NCOA1: variants seen among roughly 807,000 people sequenced by gnomAD.
NCOA1 encodes Hin-2 protein.
Under a neutral mutation model 150.9 loss-of-function variants are expected in NCOA1, and 35 were observed. The ratio of observed to expected loss-of-function variants is 0.23; its 90% CI spans 0.18 to 0.31. NCOA1 has a LOEUF of 0.31. Ranked by LOEUF, NCOA1 falls within the 10% of genes least tolerant of loss-of-function variation. The probability of loss-of-function intolerance (pLI) is 1.00; values close to 1 mark genes in which losing one functional copy is unlikely to be tolerated. For missense variants in NCOA1, 1,491 were observed against 1,749.3 expected (o/e 0.85, Z 2.63); for synonymous variants, 590 against 630.0 (o/e 0.94, Z 0.95).
chr2:24,742,562 T>G (rs377362831), intron 19 of NCOA1, among the ~76,000 whole-genome samples: 5 of 152,046 alleles, frequency 3.3e-5, no homozygotes, highest in African/African-American at 1.2e-4. Context: ...GCTTAAGCGA[T>G]TCTCCTGCCT....
At position 24,491,282 on chromosome 2, in the gene NCOA1, A is replaced by G. The variant is rs894645065; in HGVS notation, c.-716A>G. Among the ~76,000 whole-genome samples the G allele has an allele frequency of 6.9e-6, 1 of 145,520 alleles. No homozygotes were observed. Among genetic ancestry groups the G allele is most frequent in the Admixed American group, 6.8e-5 (1 of 14,730 alleles). On this transcript the variant is annotated 5_prime_UTR_variant, in exon 1 of 23. The change abolishes an upstream ATG in the 5' untranslated region. Coordinates refer to ENST00000348332, the MANE Select transcript of NCOA1 (RefSeq NM_003743.5). ...GGCGGTGGCGGCCGAGGAGGAGAAC[A>G]TGGCGGCCGCGGAGAGCGGCTGAAA...
chr2:24,645,671 T>C (rs1052813338), intron 4 of NCOA1, among the ~76,000 whole-genome samples: 5 of 152,156 alleles, frequency 3.3e-5, no homozygotes, highest in African/African-American at 1.2e-4. Context: ...TTTTAAAATA[T>C]TTGCAGTATA....
intron 19 of NCOA1, among the ~76,000 whole-genome samples, chr2:24,747,327 CTTT>C (rs148901218): frequency 2.5e-5 from 3 of 120,164 alleles, no homozygotes; most frequent in African/African-American, 6.3e-5. Context: ...TTATTTTTCT[CTTT>C]TTTTTTTTTT....
At chr2:24,641,470 G>A (rs1001996029) in intron 3 of NCOA1, among the ~76,000 whole-genome samples, 1 of 151,926 alleles carries the variant, frequency 6.6e-6, no homozygotes, top group Non-Finnish European at 1.5e-5. Flanking sequence ...CTGTTTTGTA[G>A]ATCTGACTTT....
chr2:24,735,767 A>C (rs1663267244), intron 17 of NCOA1, among the ~76,000 whole-genome samples: 1 of 152,194 alleles, frequency 6.6e-6, no homozygotes, highest in African/African-American at 2.4e-5. Flanking sequence ...TGATGATTAA[A>C]AAGCAATACG....
At chr2:24,511,734 C>T (rs1663943031) in intron 1 of NCOA1, among the ~76,000 whole-genome samples, 2 of 151,642 alleles carry the variant, frequency 1.3e-5, no homozygotes, top group South Asian at 4.2e-4. Flanking sequence ...TTGATAAGTC[C>T]AATTTATTGA....
intron 7 of NCOA1, among the ~76,000 whole-genome samples, chr2:24,680,797 C>T (rs1385075480): frequency 2.0e-5 from 3 of 152,038 alleles, no homozygotes; most frequent in South Asian, 4.1e-4. Context: ...GGCCATTCTA[C>T]AATGTATACA....
rs1427299775 is a variant in NCOA1 at position 24,768,942 on chromosome 2, A to AT, written c.*555dup. 4.6e-6 allele frequency: 1 copy of AT among 216,432 alleles called. No homozygotes were observed. Among genetic ancestry groups the AT allele is most frequent in the East Asian group, 6.8e-5 (1 of 14,666 alleles). 13.4% of individuals were successfully genotyped at this position (216,432 alleles called of 1,614,324 possible). On this transcript the variant is annotated 3_prime_UTR_variant, in exon 23 of 23. Coordinates refer to ENST00000348332, the MANE Select transcript of NCOA1 (RefSeq NM_003743.5). ...CTGTATCTGTTGGCTTCAAGAGAAT[A>AT]TTTTGCCTCCACATATGTACCCCTT...
Position 24,729,004 on chromosome 2 carries a change from C to T in NCOA1, c.2887-497C>T, listed in dbSNP as rs536148786. Among the ~76,000 whole-genome samples the T allele has an allele frequency of 2.6e-4, 39 of 152,348 alleles. No individual in the cohort carries two copies. The South Asian group carries it at 3.9e-3, about 15-fold the overall frequency. On this transcript the variant is annotated intron_variant, in intron 16 of 22. Transcript: ENST00000348332. ...ACACACACAAGCACACGCGCACGCG[C>T]GCAATTAGGTCACAATTTATATTTC...
At chr2:24,548,796 T>C (rs1665711186) in intron 1 of NCOA1, among the ~76,000 whole-genome samples, 1 of 152,224 alleles carries the variant, frequency 6.6e-6, no homozygotes, top group African/African-American at 2.4e-5. Context: ...GACAAGCTGT[T>C]GCGAGGGGTG....
intron 22 of NCOA1, among the ~76,000 whole-genome samples, chr2:24,763,952 C>T (rs542163899): frequency 1.3e-5 from 2 of 152,190 alleles, no homozygotes; most frequent in South Asian, 4.1e-4. Flanking sequence ...ACATTTTTAA[C>T]CCAGGGATTA....
At position 24,638,123 on chromosome 2, in the gene NCOA1, C is replaced by G. The variant is rs190639560; in HGVS notation, c.-174-5843C>G. On this transcript the variant is annotated intron_variant, in intron 3 of 22. Coordinates refer to ENST00000348332, the MANE Select transcript of NCOA1 (RefSeq NM_003743.5). Reference sequence around the variant, plus strand: ...CTCTCTCTATCCCTATCCCTCTTCCCCCTACCCTTCCCAGCCTCTAGTATC... The same window carrying G: ...CTCTCTCTATCCCTATCCCTCTTCCGCCTACCCTTCCCAGCCTCTAGTATC... Among the ~76,000 whole-genome samples the G allele has an allele frequency of 5.9e-3, 898 of 151,910 alleles. 13 individuals carry two copies. The highest frequency in any genetic ancestry group is 0.02 in the African/African-American group (824 of 41,396).
At chr2:24,600,272 G>A (rs1157741999) in intron 3 of NCOA1, among the ~76,000 whole-genome samples, 1 of 152,014 alleles carries the variant, frequency 6.6e-6, no homozygotes, top group East Asian at 1.9e-4. Flanking sequence ...GTGGTGCAAT[G>A]TTGGCTCACT....
In NCOA1 at chr2:24,767,987, G is replaced by A. The variant is rs1312406627; in HGVS notation, c.4156-234G>A. On this transcript the variant is annotated intron_variant, in intron 22 of 22. Coordinates refer to ENST00000348332, the MANE Select transcript of NCOA1 (RefSeq NM_003743.5). Reference sequence around the variant, plus strand: ...TTCAGTATTGATGGCAACCCTATAGGAGGCGTGACCATTCCAATTTTGATT... The same window carrying A: ...TTCAGTATTGATGGCAACCCTATAGAAGGCGTGACCATTCCAATTTTGATT... 2.4e-6 allele frequency: 3 copies of A among 1,254,146 alleles called. No homozygotes were observed. In the Admixed American group the frequency reaches 5.3e-5, roughly 22 times the overall value. 77.7% of individuals were successfully genotyped at this position (1,254,146 alleles called of 1,614,324 possible). A position where few individuals can be genotyped will look rare whatever the true frequency, so the allele number is the denominator to read the frequency against.
chr2:24,757,230 G>A (rs1205557622), intron 20 of NCOA1, among the ~76,000 whole-genome samples: 1 of 152,168 alleles, frequency 6.6e-6, no homozygotes, highest in Non-Finnish European at 1.5e-5. Flanking sequence ...AGTAAAACCT[G>A]GGAGTCTCAA....
At chr2:24,721,621 G>A (rs977527985) in intron 14 of NCOA1, among the ~76,000 whole-genome samples, 1 of 152,174 alleles carries the variant, frequency 6.6e-6, no homozygotes, top group Non-Finnish European at 1.5e-5. Context: ...CTCCCATTTT[G>A]AGTCATATGC....
At chr2:24,752,223 C>CT (rs1333946633) in intron 20 of NCOA1, 67 bp downstream of exon 20, 1 of 1,519,958 alleles carries the variant, frequency 6.6e-7, no homozygotes, top group Non-Finnish European at 8.9e-7. Context: ...CTGATAAATG[C>CT]TACAGTGGTT....
intron 2 of NCOA1, among the ~76,000 whole-genome samples, chr2:24,580,039 A>T (rs1258113157): frequency 6.6e-6 from 1 of 152,192 alleles, no homozygotes; most frequent in East Asian, 1.9e-4. Context: ...TCAGGTGTGG[A>T]CGTCAGTAAA....
intron 14 of NCOA1, among the ~76,000 whole-genome samples, chr2:24,715,798 A>G (rs1246338025): frequency 6.6e-6 from 1 of 152,226 alleles, no homozygotes; most frequent in Non-Finnish European, 1.5e-5. Flanking sequence ...TTGTCAAGAT[A>G]TCAGTTATTC....
Sources: gnomAD v4.1 joint callset for allele counts (sites outside exome capture counted in the v4.1 genomes callset) on GRCh38, gnomAD v4.1.1 for gene constraint, MANE v1.5 for transcripts, NCBI Gene and HGNC (gene_info 2026-07-23, HGNC 2026-07-21) for gene names.